The following VAV3 variants were observed in gnomAD, a reference collection of about 807,000 sequenced individuals.
VAV3 encodes the protein vav guanine nucleotide exchange factor 3, also known as guanine nucleotide exchange factor VAV3.
A neutral mutation model predicts 131.2 loss-of-function variants in VAV3; 94 were observed. That is an observed-to-expected ratio of 0.72 (90% confidence interval 0.61 to 0.85). The LOEUF (loss-of-function observed/expected upper bound fraction) is 0.85. Ranked by LOEUF, VAV3 falls within the 40% of genes least tolerant of loss-of-function variation. The probability of loss-of-function intolerance (pLI) is 0.00; values close to 1 mark genes in which losing one functional copy is unlikely to be tolerated. For synonymous variants in VAV3, 349 were observed against 342.0 expected, an observed-to-expected ratio of 1.02 and a Z score of -0.22; for missense variants, 939 against 1,002.7, an observed-to-expected ratio of 0.94 and a Z score of 0.86.
intron 24 of VAV3, among the ~76,000 whole-genome samples, chr1:107,600,332 T>G (rs1651747330): frequency 8.8e-6 from 1 of 113,342 alleles, no homozygotes; most frequent in East Asian, 4.5e-4. Flanking sequence ...GATATTGAGA[T>G]TTTTTTTCCA....
intron 1 of VAV3, 144 bp downstream of exon 1, chr1:107,964,522 G>A (rs1002028914): frequency 2.3e-6 from 2 of 858,840 alleles, no homozygotes; most frequent in Non-Finnish European, 1.7e-6. Flanking sequence ...ACGCCAAAGT[G>A]GTGCCGAAGT....
Position 107,809,841 on chromosome 1 carries a change from CT to C in VAV3, c.322-30350del, listed in dbSNP as rs528193547. Among the ~76,000 whole-genome samples the C allele has an allele frequency of 5.9e-5, 9 of 152,234 alleles. No individual in the cohort carries two copies. The South Asian group carries it at 1.9e-3, about 32-fold the overall frequency. On this transcript the variant is annotated intron_variant, in intron 2 of 26. Coordinates refer to ENST00000370056, the MANE Select transcript of VAV3 (RefSeq NM_006113.5). ...GAGAATGACAGAATTTACAAAACAA[CT>C]TTTTCTTTTTGTACATTATAGCAAA... is the stretch of plus-strand genomic sequence containing the variant.
intron 1 of VAV3, among the ~76,000 whole-genome samples, chr1:107,876,807 A>G (rs1243458896): frequency 6.6e-6 from 1 of 152,208 alleles, no homozygotes; most frequent in Non-Finnish European, 1.5e-5. Flanking sequence ...TATGTAAGTT[A>G]TACCAAAATA....
chr1:107,736,793 A>T (rs1662667022), intron 15 of VAV3, among the ~76,000 whole-genome samples: 1 of 152,190 alleles, frequency 6.6e-6, no homozygotes, highest in Admixed American at 6.5e-5. Context: ...GGTAATTTAT[A>T]GATTCAATGC....
chr1:107,855,375 C>G (rs555836309), intron 2 of VAV3, among the ~76,000 whole-genome samples: 1 of 152,280 alleles, frequency 6.6e-6, no homozygotes, highest in South Asian at 2.1e-4. Context: ...TTCCTGGATT[C>G]AAGCGATCCT....
chr1:107,740,553 T>C (rs540801311), intron 15 of VAV3, among the ~76,000 whole-genome samples: 2 of 152,094 alleles, frequency 1.3e-5, no homozygotes, highest in Non-Finnish European at 2.9e-5. Flanking sequence ...TAAAAAACAT[T>C]TTGGAGCTAA....
At chr1:107,613,988 C>T (rs1291151873) in intron 21 of VAV3, among the ~76,000 whole-genome samples, 1 of 151,968 alleles carries the variant, frequency 6.6e-6, no homozygotes, top group East Asian at 1.9e-4. Context: ...GTATGAATTC[C>T]AGCCCTTCAT....
chr1:107,838,025 G>T (rs987825546), intron 2 of VAV3, among the ~76,000 whole-genome samples: 1 of 152,016 alleles, frequency 6.6e-6, no homozygotes, highest in East Asian at 1.9e-4. Flanking sequence ...GACAAAAACA[G>T]AAATTGACAA....
At chr1:107,938,093 T>G (rs1400680015) in intron 1 of VAV3, among the ~76,000 whole-genome samples, 1 of 152,144 alleles carries the variant, frequency 6.6e-6, no homozygotes, top group Non-Finnish European at 1.5e-5. Context: ...CTAACCTTCT[T>G]GGGGAGCCAG....
intron 2 of VAV3, among the ~76,000 whole-genome samples, chr1:107,816,965 T>C (rs922138019): frequency 2.0e-5 from 3 of 152,214 alleles, no homozygotes; most frequent in Non-Finnish European, 4.4e-5. Flanking sequence ...AGCCTGGGTC[T>C]CTGGACTCCA....
At chr1:107,829,053 C>T (rs981627951) in intron 2 of VAV3, among the ~76,000 whole-genome samples, 8 of 152,154 alleles carry the variant, frequency 5.3e-5, no homozygotes, top group Non-Finnish European at 1.2e-4. Flanking sequence ...TGGAAAGCAG[C>T]ATGCACACTC....
At chr1:107,937,684 A>C (rs1293858953) in intron 1 of VAV3, among the ~76,000 whole-genome samples, 1 of 152,196 alleles carries the variant, frequency 6.6e-6, no homozygotes, top group East Asian at 1.9e-4. Context: ...AAAGCCCTTA[A>C]AGTTAATCAC....
rs780309234 is a variant in VAV3 at position 107,574,008 on chromosome 1, TC to T, written c.2502+38del. On this transcript the variant is annotated intron_variant, in intron 26 of 26. Coordinates refer to ENST00000370056, the MANE Select transcript of VAV3 (RefSeq NM_006113.5). ...GGTGCAAACAACTGCTCAGTCCCCTTCTTTCACATGCACCAGCACATCGAGA... is the reference window on the plus strand; with the variant it reads ...GGTGCAAACAACTGCTCAGTCCCCTTTTTCACATGCACCAGCACATCGAGA... 4.4e-6 allele frequency: 7 copies of T among 1,607,224 alleles called. No individual in the cohort carries two copies. In the Admixed American group the frequency reaches 6.7e-5, roughly 15 times the overall value.
rs375404419 is a variant in VAV3, at chr1:107,620,376, T to C, written c.1915-2744A>G. On this transcript the variant is annotated intron_variant, in intron 20 of 26. Coordinates refer to ENST00000370056, the MANE Select transcript of VAV3 (RefSeq NM_006113.5). ...AGATTATAATACCATACTTTTACTG[T>C]ACTTTTTCTATGTTTAGATACACAA... is the stretch of plus-strand genomic sequence containing the variant. 7.9e-5 allele frequency among the ~76,000 whole-genome samples: 12 copies of C among 152,306 alleles called. No individual in the cohort carries two copies. The South Asian group carries it at 1.4e-3, about 18-fold the overall frequency.
At chr1:107,640,810 AAAGAGT>A (rs1338260821) in intron 20 of VAV3, among the ~76,000 whole-genome samples, 3 of 152,144 alleles carry the variant, frequency 2.0e-5, no homozygotes. Context: ...GAAGAGGGTG[AAAGAGT>A]GTCTGGCATG....
At chr1:107,807,191 A>G (rs1339326845) in intron 2 of VAV3, among the ~76,000 whole-genome samples, 1 of 152,130 alleles carries the variant, frequency 6.6e-6, no homozygotes, top group Non-Finnish European at 1.5e-5. Flanking sequence ...CTTCTCTAAG[A>G]AAGGTCATTC....
intron 15 of VAV3, among the ~76,000 whole-genome samples, chr1:107,729,297 T>C (rs1385109446): frequency 2.0e-5 from 3 of 152,200 alleles, no homozygotes; most frequent in African/African-American, 4.8e-5. Flanking sequence ...CCTGAGTTCA[T>C]TCTGACCAAC....
chr1:107,651,848 C>T (rs1455879144), intron 19 of VAV3, among the ~76,000 whole-genome samples: 6 of 152,046 alleles, frequency 3.9e-5, no homozygotes, highest in Non-Finnish European at 7.4e-5. Context: ...ATTTGAACTC[C>T]TGGTCACTGC....
At chr1:107,665,425 C>T (rs1657342677) in intron 19 of VAV3, among the ~76,000 whole-genome samples, 2 of 152,184 alleles carry the variant, frequency 1.3e-5, no homozygotes, top group East Asian at 3.9e-4. Context: ...TCCTTCCCCA[C>T]TAGTAGGTAG....
Sources: gnomAD v4.1 joint callset for allele counts (sites outside exome capture counted in the v4.1 genomes callset) on GRCh38, gnomAD v4.1.1 for gene constraint, MANE v1.5 for transcripts, NCBI Gene and HGNC (gene_info 2026-07-23, HGNC 2026-07-21) for gene names.